Variants in SIMC1 observed in about 807,000 individuals in gnomAD.
The protein encoded by SIMC1 is SUMO-interacting motif-containing protein 1.
In SIMC1, 55 loss-of-function variants were observed where a neutral mutation model predicts 82.3. The observed-to-expected ratio is 0.67, with a 90% CI of 0.54 to 0.84. SIMC1 has a LOEUF of 0.84. SIMC1 is among the 40% of genes least tolerant of loss of function. SIMC1 has a pLI of 0.00. For synonymous variants in SIMC1, 353 were observed against 426.3 expected, an observed-to-expected ratio of 0.83 and a Z score of 2.12; for missense variants, 915 against 1,107.2, an observed-to-expected ratio of 0.83 and a Z score of 2.46.
chr5:176,313,802 G>A lies in SIMC1; in HGVS notation c.1846G>A (p.Ala616Thr). The change falls in exon 5 of 10, where the codon GCA becomes ACA. Residue 616 changes from alanine to threonine, a missense_variant. By Grantham distance (58) the Ala-to-Thr change is moderately conservative. Transcript: ENST00000429602. ...RQRQHLQQSI[A>T]NMVLSCDKQP... ...ACGGCAGCACCTGCAGCAATCCATTGCAAACATGGTGCTTTCCTGTGACAA... is the reference window on the plus strand; with the variant it reads ...ACGGCAGCACCTGCAGCAATCCATTACAAACATGGTGCTTTCCTGTGACAA... 1 of 1,613,946 alleles carries A rather than the reference G, an allele frequency of 6.2e-7. No individual in the cohort carries two copies. The highest frequency in any genetic ancestry group is 1.1e-5 in the South Asian group (1 of 91,078).
intron 1 of SIMC1, among the ~76,000 whole-genome samples, chr5:176,245,698 A>G (rs1425522934): frequency 1.3e-5 from 2 of 152,214 alleles, no homozygotes; most frequent in Non-Finnish European, 2.9e-5. Flanking sequence ...TTATTCAGGA[A>G]TGGCATTGCA....
At position 176,324,738 on chromosome 5, in the gene SIMC1, A is replaced by AT; in HGVS notation, c.2154dup (p.Pro719SerfsTer2). Reference sequence around the variant, plus strand: ...GATGATGTTTGGGTTTGTGCTGGACATTCCTGAGAGGAGCCAGAGGTGAGT... The same window carrying AT: ...GATGATGTTTGGGTTTGTGCTGGACATTTCCTGAGAGGAGCCAGAGGTGAGT... On this transcript the variant is annotated frameshift_variant, in exon 7 of 10. Transcript: ENST00000429602. LOFTEE classifies it high-confidence loss of function. 1.1e-5 allele frequency: 18 copies of AT among 1,597,804 alleles called. No homozygotes were observed. The highest frequency in any genetic ancestry group is 1.5e-5 in the Non-Finnish European group (18 of 1,171,856).
At chr5:176,334,035 A>G (rs944540947) in intron 7 of SIMC1, among the ~76,000 whole-genome samples, 30 of 151,594 alleles carry the variant, frequency 2.0e-4, no homozygotes, top group Admixed American at 1.9e-3. Flanking sequence ...CTCATTATGT[A>G]CATCTTAATT....
intron 9 of SIMC1, among the ~76,000 whole-genome samples, chr5:176,338,288 C>T (rs565822398): frequency 2.0e-5 from 3 of 152,122 alleles, no homozygotes; most frequent in African/African-American, 7.2e-5. Flanking sequence ...CACATAAATA[C>T]TACATACAAG....
rs1369925268 is a variant in SIMC1 at position 176,345,563 on chromosome 5, A to G, written c.*118A>G. 2.6e-6 allele frequency: 3 copies of G among 1,142,158 alleles called. No individual in the cohort carries two copies. The highest frequency in any genetic ancestry group is 1.8e-5 in the South Asian group (1 of 56,996). The allele number at this position is 1,142,158 out of a possible 1,614,324, so 70.8% of individuals were successfully genotyped here. On this transcript the variant is annotated 3_prime_UTR_variant, in exon 10 of 10. Transcript: ENST00000429602. ...TACAGGACCAAACCTGCATTATTTA[A>G]TCAGTAGGTTGTAATTTCTAACTCT...
chr5:176,257,264 T>G (rs1476997400), intron 1 of SIMC1, among the ~76,000 whole-genome samples: 1 of 152,224 alleles, frequency 6.6e-6, no homozygotes, highest in African/African-American at 2.4e-5. Context: ...ATCTCTCACC[T>G]TATGCAAAAA....
chr5:176,333,586 C>T (rs1243699232), intron 7 of SIMC1, among the ~76,000 whole-genome samples: 3 of 151,882 alleles, frequency 2.0e-5, no homozygotes, highest in East Asian at 2.0e-4. Context: ...CGCACCACCA[C>T]GCCCAGCTAA....
rs1191350839 is a variant in SIMC1, at chr5:176,252,060, C to T, written c.129+13423C>T. Among the ~76,000 whole-genome samples the T allele has an allele frequency of 2.6e-5, 4 of 152,292 alleles. No individual in the cohort carries two copies. In the East Asian group the frequency reaches 7.7e-4, roughly 29 times the overall value. ...CCCGCTTTCTATTCCACAAAACCAC[C>T]ATTGTCATCATGGCCCGTTCTCAAT... On this transcript the variant is annotated intron_variant, in intron 1 of 9. Transcript: ENST00000429602.
intron 1 of SIMC1, among the ~76,000 whole-genome samples, chr5:176,286,084 C>T (rs1486396669): frequency 1.3e-5 from 2 of 152,256 alleles, no homozygotes; most frequent in Admixed American, 6.5e-5. Flanking sequence ...AGATTCAATG[C>T]CATCTCCATG....
At chr5:176,260,151 A>G (rs1271302088) in intron 1 of SIMC1, among the ~76,000 whole-genome samples, 1 of 152,142 alleles carries the variant, frequency 6.6e-6, no homozygotes, top group Non-Finnish European at 1.5e-5. Context: ...CATTGTAAGT[A>G]TTCATTCAAT....
chr5:176,295,295 C>A (rs781039398), intron 3 of SIMC1, 33 bp downstream of exon 3: 1 of 1,575,952 alleles, frequency 6.3e-7, no homozygotes, highest in East Asian at 2.3e-5. Context: ...GTTGGCGAAT[C>A]TTCTAGGGAT....
At chr5:176,305,712 G>C (rs1262437688) in intron 4 of SIMC1, among the ~76,000 whole-genome samples, 23 of 85,082 alleles carry the variant, frequency 2.7e-4, no homozygotes, top group South Asian at 3.9e-4. Flanking sequence ...GAGGTGGGGG[G>C]GTCAGCCCCC....
intron 2 of SIMC1, among the ~76,000 whole-genome samples, chr5:176,292,388 TCTC>T (rs1233190614): frequency 5.9e-5 from 9 of 152,264 alleles, no homozygotes; most frequent in African/African-American, 2.2e-4. Context: ...AAAGGTATGC[TCTC>T]CTCATTCAAG....
chr5:176,284,202 C>T (rs1334515375), intron 1 of SIMC1, among the ~76,000 whole-genome samples: 1 of 152,174 alleles, frequency 6.6e-6, no homozygotes, highest in South Asian at 2.1e-4. Context: ...AACTCTCCAC[C>T]CCAAATGAAC....
intron 6 of SIMC1, 121 bp downstream of exon 6, chr5:176,322,546 C>A (rs1292460832): frequency 2.9e-5 from 35 of 1,205,136 alleles, no homozygotes; most frequent in Non-Finnish European, 3.7e-5. Context: ...TAGGCTGATG[C>A]TTATTCAAGA....
chr5:176,272,083 T>C (rs2113181663), intron 1 of SIMC1, among the ~76,000 whole-genome samples: 1 of 143,068 alleles, frequency 7.0e-6, no homozygotes, highest in East Asian at 2.0e-4. Context: ...TGGCTCACGC[T>C]GGTCATCCCA....
intron 9 of SIMC1, among the ~76,000 whole-genome samples, chr5:176,337,838 T>C (rs1288574431): frequency 6.6e-6 from 1 of 152,212 alleles, no homozygotes; most frequent in East Asian, 1.9e-4. Flanking sequence ...TCTTCAGAGC[T>C]GCTTGGGTCA....
At chr5:176,316,525 A>G (rs1424224042) in intron 5 of SIMC1, among the ~76,000 whole-genome samples, 1 of 151,258 alleles carries the variant, frequency 6.6e-6, no homozygotes, top group Middle Eastern at 3.2e-3. Flanking sequence ...AAAAAAAAAA[A>G]AAAAACCCAA....
chr5:176,309,479 G>T (rs184095245), intron 4 of SIMC1, among the ~76,000 whole-genome samples: 1 of 152,268 alleles, frequency 6.6e-6, no homozygotes, highest in East Asian at 1.9e-4. Flanking sequence ...CAAGTTCTTG[G>T]ACTTTGCCCC....
Sources: allele counts gnomAD v4.1 joint callset (sites outside exome capture counted in the v4.1 genomes callset), GRCh38; gene constraint gnomAD v4.1.1; transcripts MANE v1.5; gene names NCBI Gene and HGNC (gene_info 2026-07-23, HGNC 2026-07-21).